The following KIAA0825 variants were observed in gnomAD, a reference collection of about 807,000 sequenced individuals.
The protein encoded by KIAA0825 is uncharacterized protein KIAA0825.
A neutral mutation model predicts 147.6 loss-of-function variants in KIAA0825; 119 were observed. That is an observed-to-expected ratio of 0.81 (90% CI 0.69 to 0.94). The LOEUF is 0.94. Ranked by LOEUF, KIAA0825 falls within the 40% of genes least tolerant of loss-of-function variation. KIAA0825 has a pLI of 0.00. For missense variants in KIAA0825, 1,381 were observed against 1,472.7 expected, an observed-to-expected ratio of 0.94 and a Z score of 1.02; for synonymous variants, 470 against 518.1, an observed-to-expected ratio of 0.91 and a Z score of 1.26.
At chr5:94,502,188 G>A (rs1765174450) in intron 5 of KIAA0825, among the ~76,000 whole-genome samples, 1 of 151,990 alleles carries the variant, frequency 6.6e-6, no homozygotes, top group Non-Finnish European at 1.5e-5. Context: ...AAATATGTAT[G>A]TATACACATA....
At chr5:94,412,610 A>C (rs187026348) in intron 15 of KIAA0825, among the ~76,000 whole-genome samples, 1,816 of 152,158 alleles carry the variant, frequency 0.012, 22 homozygotes, top group Non-Finnish European at 0.016. Context: ...CATGTTGGCC[A>C]GGATGGTCTC....
chr5:94,582,488 T>C lies in KIAA0825; in HGVS notation c.-57A>G, dbSNP rs1411874099. The stretch of plus-strand genomic sequence containing the variant: ...AACTGGTCTTCGAATCCTAAGGAGG[T>C]AGAAAATTATTTCCTGAAGAGTTGT... On this transcript the variant is annotated 5_prime_UTR_variant, in exon 2 of 21. Transcript: ENST00000682413. 6.6e-6 allele frequency: 1 copy of C among 152,174 alleles called. No individual in the cohort carries two copies. Among genetic ancestry groups the C allele is most frequent in the African/African-American group, 2.4e-5 (1 of 41,432 alleles). The allele number at this position is 152,174 out of a possible 1,614,324, so 9.4% of individuals were successfully genotyped here.
intron 3 of KIAA0825, among the ~76,000 whole-genome samples, chr5:94,535,714 T>C (rs1164551544): frequency 6.6e-6 from 1 of 151,824 alleles, no homozygotes; most frequent in African/African-American, 2.4e-5. Flanking sequence ...TGTGGGAGAG[T>C]AAGAGCCTAA....
Position 94,400,610 on chromosome 5 carries a change from T to G in KIAA0825, c.2887+2959A>C, listed in dbSNP as rs74758118. Among the ~76,000 whole-genome samples the G allele has an allele frequency of 7.2e-4, 109 of 152,280 alleles. No homozygotes were observed. The East Asian group carries it at 0.018, about 26-fold the overall frequency. ...GGATTATTTTCATTAAAAAAGTAAT[T>G]TACTGTTGAGAAAATATCTTCTCAG... On this transcript the variant is annotated intron_variant, in intron 16 of 20. Transcript: ENST00000682413.
chr5:94,501,273 G>A (rs573206183), intron 5 of KIAA0825, among the ~76,000 whole-genome samples: 140 of 152,318 alleles, frequency 9.2e-4, no homozygotes, highest in African/African-American at 3.2e-3. Flanking sequence ...GTATACATAT[G>A]TCTGTATATA....
intron 15 of KIAA0825, among the ~76,000 whole-genome samples, chr5:94,411,315 G>A (rs1328479773): frequency 6.6e-6 from 1 of 152,066 alleles, no homozygotes; most frequent in Non-Finnish European, 1.5e-5. Flanking sequence ...ACAACAAATA[G>A]AAAGCAAGTA....
At chr5:94,475,736 G>A (rs1427759114) in intron 7 of KIAA0825, among the ~76,000 whole-genome samples, 4 of 152,116 alleles carry the variant, frequency 2.6e-5, no homozygotes, top group Non-Finnish European at 5.9e-5. Context: ...TTGAACTTGG[G>A]AGGCGGAGAT....
At chr5:94,391,415 T>G (rs1749874971) in intron 18 of KIAA0825, 120 bp downstream of exon 18, 1 of 898,830 alleles carries the variant, frequency 1.1e-6, no homozygotes, top group Admixed American at 2.6e-5. Context: ...TAATGCAATA[T>G]TGAGTTTGGT....
At chr5:94,477,552 G>A (rs907969730) in intron 6 of KIAA0825, among the ~76,000 whole-genome samples, 4 of 152,002 alleles carry the variant, frequency 2.6e-5, no homozygotes, top group African/African-American at 9.7e-5. Context: ...GATAATGTAA[G>A]AGGACAAAAT....
intron 18 of KIAA0825, among the ~76,000 whole-genome samples, chr5:94,389,760 A>G (rs1305163086): frequency 6.6e-6 from 1 of 152,186 alleles, no homozygotes; most frequent in African/African-American, 2.4e-5. Flanking sequence ...CATAAGTACT[A>G]TGCTAGTCAG....
intron 20 of KIAA0825, among the ~76,000 whole-genome samples, chr5:94,187,248 C>T (rs1770203518): frequency 6.6e-6 from 1 of 150,968 alleles, no homozygotes; most frequent in African/African-American, 2.4e-5. Flanking sequence ...GATTAGATGG[C>T]TTGAAGAAAA....
In KIAA0825 at chr5:94,529,224, T is replaced by C. The variant is rs138648018; in HGVS notation, c.132-5126A>G. 5.2e-3 allele frequency among the ~76,000 whole-genome samples: 679 copies of C among 130,742 alleles called. 9 individuals carry two copies. Among genetic ancestry groups the C allele is most frequent in the African/African-American group, 0.02 (618 of 31,294 alleles). The allele number at this position is 130,742 out of a possible 152,430, so 85.8% of individuals were successfully genotyped here. On this transcript the variant is annotated intron_variant, in intron 3 of 20. Coordinates refer to ENST00000682413, the MANE Select transcript of KIAA0825 (RefSeq NM_001145678.3). ...AGTATATATATCATATATATGTATG[T>C]ATCATATATATGTATATATACATAT...
intron 20 of KIAA0825, among the ~76,000 whole-genome samples, chr5:94,305,973 A>AC (rs986684403): frequency 2.0e-5 from 3 of 151,842 alleles, no homozygotes; most frequent in Non-Finnish European, 4.4e-5. Context: ...GCTACCTCCT[A>AC]CCTATTGAAA....
chr5:94,544,398 T>C (rs1394248617), intron 2 of KIAA0825, among the ~76,000 whole-genome samples: 2 of 152,230 alleles, frequency 1.3e-5, no homozygotes, highest in Non-Finnish European at 2.9e-5. Flanking sequence ...CCTTCCCTCC[T>C]TGATGACTAC....
chr5:94,496,503 T>C (rs2151095663), intron 5 of KIAA0825, among the ~76,000 whole-genome samples: 1 of 152,176 alleles, frequency 6.6e-6, no homozygotes, highest in Admixed American at 6.5e-5. Context: ...AGGCAGAAAC[T>C]GGTTAAAAAG....
intron 20 of KIAA0825, among the ~76,000 whole-genome samples, chr5:94,322,172 A>G (rs570484368): frequency 6.6e-6 from 1 of 152,034 alleles, no homozygotes; most frequent in South Asian, 2.1e-4. Flanking sequence ...TTAAAAAATT[A>G]TTTGGACTTT....
Position 94,537,052 on chromosome 5 carries a change from C to T in KIAA0825, c.75G>A (p.Leu25=), listed in dbSNP as rs1412694403. The T allele has an allele frequency of 2.5e-6, 4 of 1,606,416 alleles. No homozygotes were observed. The highest frequency in any genetic ancestry group is 3.4e-6 in the Non-Finnish European group (4 of 1,173,514). The change falls in exon 3 of 21, where the codon TTG becomes TTA. Residue 25 remains leucine (L), a synonymous_variant. Transcript: ENST00000682413. The stretch of plus-strand genomic sequence containing the variant: ...TGTCACTGAAGATCTGCTCAAACTC[C>T]AAGTCTCCAGGAAATGAGTTTAACA... ...HCLLNSFPGD[L]EFEQIFSDID...
intron 5 of KIAA0825, among the ~76,000 whole-genome samples, chr5:94,518,778 T>TACA (rs1767648525): frequency 6.6e-6 from 1 of 152,128 alleles, no homozygotes; most frequent in Non-Finnish European, 1.5e-5. Context: ...ATTCTGGTGT[T>TACA]AAAGAGGACA....
chr5:94,284,937 A>G (rs1324848602), intron 20 of KIAA0825, among the ~76,000 whole-genome samples: 1 of 152,110 alleles, frequency 6.6e-6, no homozygotes, highest in African/African-American at 2.4e-5. Flanking sequence ...GTATGTCTCA[A>G]TTTCTGATAC....
Sources: gnomAD v4.1 joint callset for allele counts (sites outside exome capture counted in the v4.1 genomes callset) on GRCh38, gnomAD v4.1.1 for gene constraint, MANE v1.5 for transcripts, NCBI Gene and HGNC (gene_info 2026-07-23, HGNC 2026-07-21) for gene names.